The following SALL3 variants were observed in gnomAD, a reference collection of about 807,000 sequenced individuals.
SALL3 encodes spalt like transcription factor 3.
A neutral mutation model predicts 66.2 loss-of-function variants in SALL3; 25 were observed. The observed-to-expected ratio is 0.38, with a 90% CI of 0.28 to 0.53. The LOEUF is 0.53. Among genes scored for constraint, SALL3 ranks in the 20% least tolerant of loss-of-function variants. The probability of loss-of-function intolerance (pLI) is 0.85; values close to 1 mark genes in which losing one functional copy is unlikely to be tolerated. For missense variants in SALL3, 2,194 were observed against 1,916.5 expected, an observed-to-expected ratio of 1.14 and a Z score of -2.70; for synonymous variants, 1,152 against 899.1, an observed-to-expected ratio of 1.28 and a Z score of -5.03.
chr18:78,997,149 A>G lies in SALL3; in HGVS notation c.3730A>G (p.Ser1244Gly). 1.2e-6 allele frequency: 2 copies of G among 1,613,948 alleles called. No homozygotes were observed. The highest frequency in any genetic ancestry group is 1.7e-6 in the Non-Finnish European group (2 of 1,180,022). Residue 1244 changes from serine to glycine, a missense_variant, in exon 3 of 3, where the codon AGT becomes GGT. Transcript: ENST00000537592. ...CGGCGGCATCCCCCAGCTCCCCGTGAGTCTTGGGGGCAGCGCCCTCCCCCC... is the reference window on the plus strand; with the variant it reads ...CGGCGGCATCCCCCAGCTCCCCGTGGGTCTTGGGGGCAGCGCCCTCCCCCC... The part of the protein sequence containing the change: ...QNGGIPQLPV[S>G]LGGSALPPLG...
chr18:78,997,952 T>C lies in SALL3; in HGVS notation c.*630T>C, dbSNP rs1914756140. 6.6e-6 allele frequency: 1 copy of C among 152,262 alleles called. No homozygotes were observed. Among genetic ancestry groups the C allele is most frequent in the Non-Finnish European group, 1.5e-5 (1 of 67,996 alleles). 9.4% of individuals were successfully genotyped at this position (152,262 alleles called of 1,614,324 possible). ...GTGGATTATTTCAATGCAGGCAAAATTGTGAAGTTCTGTTGGGAAAGATAG... is the reference window on the plus strand; with the variant it reads ...GTGGATTATTTCAATGCAGGCAAAACTGTGAAGTTCTGTTGGGAAAGATAG... On this transcript the variant is annotated 3_prime_UTR_variant, in exon 3 of 3. Coordinates refer to ENST00000537592, the MANE Select transcript of SALL3 (RefSeq NM_171999.4).
chr18:78,984,638 C>T (rs1914179486), intron 1 of SALL3, among the ~76,000 whole-genome samples: 1 of 151,592 alleles, frequency 6.6e-6, no homozygotes, highest in Admixed American at 6.6e-5. Context: ...AAAAAAAAAC[C>T]TGTCTAGGGT....
Position 78,993,019 on chromosome 18 carries a change from C to T in SALL3, c.1028C>T (p.Pro343Leu), listed in dbSNP as rs1405689927. 1 of 1,540,874 alleles carries T rather than the reference C, an allele frequency of 6.5e-7. No homozygotes were observed. The highest frequency in any genetic ancestry group is 1.2e-5 in the South Asian group (1 of 82,620). ...TCGCAGCCGCAGAGCGCATCCACGC[C>T]GCCTGCCCTGGCCCCGGGGTCCCTG... ...ASSQPQSAST[P>L]PALAPGSLLG... The change falls in exon 2 of 3, where the codon CCG becomes CTG. Residue 343 changes from proline (P) to leucine (L), a missense_variant. Physicochemically the swap from Pro to Leu is moderately conservative, Grantham distance 98. Coordinates refer to ENST00000537592, the MANE Select transcript of SALL3 (RefSeq NM_171999.4).
chr18:78,987,048 AT>A lies in SALL3; in HGVS notation c.83-5021del, dbSNP rs780120720. On this transcript the variant is annotated intron_variant, in intron 1 of 2. Transcript: ENST00000537592. ...TTTTAATATTATTCTAAGTAAACTT[AT>A]TTTTAAAAAAAAAACCTGTTTTAGG... Among the ~76,000 whole-genome samples the A allele has an allele frequency of 6.1e-3, 917 of 150,200 alleles. 6 individuals are homozygous for A. Among genetic ancestry groups the A allele is most frequent in the Middle Eastern group, 0.017 (5 of 292 alleles).
Position 78,992,334 on chromosome 18 carries a change from G to T in SALL3, c.343G>T (p.Ala115Ser). 2 of 1,431,180 alleles carry T rather than the reference G, an allele frequency of 1.4e-6. No individual in the cohort carries two copies. The highest frequency in any genetic ancestry group is 1.8e-6 in the Non-Finnish European group (2 of 1,100,306). The allele number at this position is 1,431,180 out of a possible 1,614,324, so 88.7% of individuals were successfully genotyped here. ...CGCCGAAAGCGAGGCGGCCGAGGAG[G>T]CGGGTGCGGAGGGCGCGGAGGGCGA... ...ERAESEAAEE[A>S]GAEGAEGEAR... is the part of the protein sequence containing the mutation. Residue 115 changes from alanine (A) to serine (S), a missense_variant, in exon 2 of 3, where the codon GCG becomes TCG. Transcript: ENST00000537592.
chr18:78,982,962 G>C (rs1020947255), intron 1 of SALL3, among the ~76,000 whole-genome samples: 1 of 152,146 alleles, frequency 6.6e-6, no homozygotes, highest in Non-Finnish European at 1.5e-5. Context: ...CACAAAGCCT[G>C]TATCTCTTAA....
rs1390679636 is a variant in SALL3, at chr18:78,995,288, G to A, written c.3297G>A (p.Ala1099=). The A allele has an allele frequency of 3.2e-6, 5 of 1,579,042 alleles. No individual in the cohort carries two copies. The highest frequency in any genetic ancestry group is 1.1e-5 in the South Asian group (1 of 88,942). ...AGACAGTGATGGGCCCGGGCCTGGC[G>A]CCCATGCTGGCCCCCCCACCGCGCC... The part of the protein sequence containing the change: ...GPQTVMGPGL[A]PMLAPPPRRT... The change falls in exon 2 of 3, where the codon GCG becomes GCA. Residue 1099 remains alanine, a synonymous_variant. Transcript: ENST00000537592.
chr18:78,980,894 G>A (rs1234093358), intron 1 of SALL3, among the ~76,000 whole-genome samples: 2 of 152,198 alleles, frequency 1.3e-5, no homozygotes, highest in East Asian at 1.9e-4. Flanking sequence ...GATCCCTCGC[G>A]AGGCGAGGAG....
At chr18:78,982,107 A>T (rs1914092589) in intron 1 of SALL3, among the ~76,000 whole-genome samples, 1 of 152,124 alleles carries the variant, frequency 6.6e-6, no homozygotes. Context: ...TTAACAATTA[A>T]CAAGCTGAGG....
rs945214417 is a variant in SALL3 at position 78,992,454 on chromosome 18, C to A, written c.463C>A (p.Pro155Thr). The stretch of plus-strand genomic sequence containing the variant: ...GCCCCCGCCTGCGGCCCCTGCACCC[C>A]CAACGCCCGCCTACGGCGCGCCCAG... Reference protein sequence around the residue: ...PRPPPAAPAPPTPAYGAPSTN... With the variant: ...PRPPPAAPAPTTPAYGAPSTN... The change falls in exon 2 of 3, where the codon CCA becomes ACA. Residue 155 changes from proline to threonine, a missense_variant. Coordinates refer to ENST00000537592, the MANE Select transcript of SALL3 (RefSeq NM_171999.4). 7.0e-7 allele frequency: 1 copy of A among 1,431,556 alleles called. No individual in the cohort carries two copies. Among genetic ancestry groups the A allele is most frequent in the Admixed American group, 2.7e-5 (1 of 37,108 alleles). The allele number at this position is 1,431,556 out of a possible 1,614,324, so 88.7% of individuals were successfully genotyped here.
intron 1 of SALL3, among the ~76,000 whole-genome samples, chr18:78,991,387 G>T (rs977131155): frequency 8.5e-6 from 1 of 117,118 alleles, no homozygotes; most frequent in Non-Finnish European, 1.7e-5. Context: ...CAAGGGTGGG[G>T]GGGGGGGAAC....
chr18:78,994,129 G>A lies in SALL3; in HGVS notation c.2138G>A (p.Gly713Asp). ...CGGCCGTTCAAGTGCAAGATCTGCG[G>A]CCGCGCCTTCACCACCAAGGGCAAC... ...GERPFKCKIC[G>D]RAFTTKGNLK... The change falls in exon 2 of 3, where the codon GGC (glycine) becomes GAC (aspartate). Residue 713 changes from glycine (G) to aspartate (D), a missense_variant. Physicochemically the swap from Gly to Asp is moderately conservative, Grantham distance 94. Transcript: ENST00000537592. 4 of 1,612,930 alleles carry A rather than the reference G, an allele frequency of 2.5e-6. No homozygotes were observed. The highest frequency in any genetic ancestry group is 3.4e-6 in the Non-Finnish European group (4 of 1,179,972).
In SALL3 at chr18:78,994,163, G is replaced by T. The variant is rs1338707869; in HGVS notation, c.2172G>T (p.Thr724=). 9 of 1,613,086 alleles carry T rather than the reference G, an allele frequency of 5.6e-6. No individual in the cohort carries two copies. The highest frequency in any genetic ancestry group is 5.9e-6 in the Non-Finnish European group (7 of 1,179,986). Residue 724 remains threonine, a synonymous_variant, in exon 2 of 3, where the codon ACG becomes ACT. Coordinates refer to ENST00000537592, the MANE Select transcript of SALL3 (RefSeq NM_171999.4). Reference sequence around the variant, plus strand: ...TCACCACCAAGGGCAACCTCAAGACGCACTTCGGCGTGCACCGTGCAAAGC... The same window carrying T: ...TCACCACCAAGGGCAACCTCAAGACTCACTTCGGCGTGCACCGTGCAAAGC... ...RAFTTKGNLK[T]HFGVHRAKPP...
At chr18:78,984,421 A>T (rs1321421197) in intron 1 of SALL3, among the ~76,000 whole-genome samples, 1 of 152,220 alleles carries the variant, frequency 6.6e-6, no homozygotes, top group Non-Finnish European at 1.5e-5. Context: ...ACTTTTAAAT[A>T]TAACAGGAAG....
rs2146218132 is a variant in SALL3, at chr18:78,994,222, G to T, written c.2231G>T (p.Cys744Phe). Reference protein sequence around the residue: ...PLRVQHSCPICQKKFTNAVVL... With the variant: ...PLRVQHSCPIFQKKFTNAVVL... ...CGCGTGCAGCACTCCTGCCCCATCT[G>T]CCAGAAGAAGTTCACCAACGCCGTG... The change falls in exon 2 of 3, where the codon TGC (cysteine) becomes TTC (phenylalanine). Residue 744 changes from cysteine (C) to phenylalanine (F), a missense_variant. Physicochemically the swap from Cys to Phe is radical, Grantham distance 205 (BLOSUM62 -2). Coordinates refer to ENST00000537592, the MANE Select transcript of SALL3 (RefSeq NM_171999.4). 6.2e-7 allele frequency: 1 copy of T among 1,613,660 alleles called. No homozygotes were observed. The highest frequency in any genetic ancestry group is 8.5e-7 in the Non-Finnish European group (1 of 1,179,996).
chr18:78,998,015 CTTTT>C lies in SALL3; in HGVS notation c.*708_*711del, dbSNP rs35983860. On this transcript the variant is annotated 3_prime_UTR_variant, in exon 3 of 3. Transcript: ENST00000537592. ...GTGCAAGTACCTGTCAGTAATAAGC[CTTTT>C]TTTTTTTTTTTTTTAATTTAAATGT... 3.5e-4 allele frequency: 48 copies of C among 138,808 alleles called. No individual in the cohort carries two copies. The highest frequency in any genetic ancestry group is 7.1e-4 in the Admixed American group (10 of 14,044). The allele number at this position is 138,808 out of a possible 1,614,324, so 8.6% of individuals were successfully genotyped here.
At position 78,997,765 on chromosome 18, in the gene SALL3, G is replaced by A. The variant is rs547509429; in HGVS notation, c.*443G>A. 2 of 173,502 alleles carry A rather than the reference G, an allele frequency of 1.2e-5. No individual in the cohort carries two copies. The highest frequency in any genetic ancestry group is 3.4e-4 in the South Asian group (2 of 5,920). 10.7% of individuals were successfully genotyped at this position (173,502 alleles called of 1,614,324 possible). ...GACGTGGTTTAGTACTCCCAATGCTGTGTATCATGACACTATCTTCGTCTG... is the reference window on the plus strand; with the variant it reads ...GACGTGGTTTAGTACTCCCAATGCTATGTATCATGACACTATCTTCGTCTG... On this transcript the variant is annotated 3_prime_UTR_variant, in exon 3 of 3. Coordinates refer to ENST00000537592, the MANE Select transcript of SALL3 (RefSeq NM_171999.4).
Position 78,994,241 on chromosome 18 carries a change from C to T in SALL3, c.2250C>T (p.Asn750=), listed in dbSNP as rs932625576. The T allele has an allele frequency of 1.6e-5, 26 of 1,613,632 alleles. No homozygotes were observed. The highest frequency in any genetic ancestry group is 2.0e-5 in the Non-Finnish European group (24 of 1,180,004). The part of the protein sequence containing the change: ...SCPICQKKFT[N]AVVLQQHIRM... ...CCATCTGCCAGAAGAAGTTCACCAA[C>T]GCCGTGGTCCTGCAGCAGCACATCC... Residue 750 remains asparagine (N), a synonymous_variant, in exon 2 of 3, where the codon AAC becomes AAT. Coordinates refer to ENST00000537592, the MANE Select transcript of SALL3 (RefSeq NM_171999.4).
chr18:78,980,937 C>A (rs1402193605), intron 1 of SALL3, among the ~76,000 whole-genome samples: 1 of 152,212 alleles, frequency 6.6e-6, no homozygotes, highest in Non-Finnish European at 1.5e-5. Flanking sequence ...CTAATGGCCG[C>A]CCGGGGAATT....
Sources: allele counts gnomAD v4.1 joint callset (sites outside exome capture counted in the v4.1 genomes callset), GRCh38; gene constraint gnomAD v4.1.1; transcripts MANE v1.5; gene names NCBI Gene and HGNC (gene_info 2026-07-23, HGNC 2026-07-21).